Variants in EPHA7 observed in about 807,000 individuals in gnomAD.
The protein encoded by EPHA7 is EPH receptor A7, also known as ephrin type-A receptor 7.
A neutral mutation model predicts 112.6 loss-of-function variants in EPHA7; 25 were observed. The observed-to-expected ratio is 0.22, with a 90% confidence interval of 0.16 to 0.31. The LOEUF (loss-of-function observed/expected upper bound fraction) is 0.31. Ranked by LOEUF, EPHA7 falls within the 10% of genes least tolerant of loss-of-function variation. The pLI is 1.00. For missense variants in EPHA7, 962 were observed against 1,212.6 expected (o/e 0.79, Z 3.07); for synonymous variants, 437 against 406.5 (o/e 1.07, Z -0.90).
rs566391424 is a variant in EPHA7 at position 93,350,558 on chromosome 6, ATCAT to A, written c.1324+6155_1324+6158del. Among the ~76,000 whole-genome samples the A allele has an allele frequency of 5.7e-3, 861 of 152,152 alleles. 5 individuals are homozygous for A. Among genetic ancestry groups the A allele is most frequent in the Non-Finnish European group, 9.7e-3 (656 of 67,972 alleles). ...TATAATCTGAGTGAGTGTCATATAG[ATCAT>A]TCATCCATACACAACAAAATTGATG... On this transcript the variant is annotated intron_variant, in intron 5 of 16. Coordinates refer to ENST00000369303, the MANE Select transcript of EPHA7 (RefSeq NM_004440.4).
intron 5 of EPHA7, among the ~76,000 whole-genome samples, chr6:93,315,707 T>C (rs1466418328): frequency 2.0e-5 from 3 of 152,222 alleles, no homozygotes; most frequent in African/African-American, 4.8e-5. Flanking sequence ...ACAGATTCAC[T>C]CTCTGCTGAT....
intron 5 of EPHA7, among the ~76,000 whole-genome samples, chr6:93,353,433 A>G (rs764091745): frequency 7.2e-5 from 11 of 152,292 alleles, no homozygotes; most frequent in Non-Finnish European, 1.5e-4. Flanking sequence ...AAGATAATTG[A>G]TAACTAGATA....
chr6:93,335,950 A>G (rs1257487670), intron 5 of EPHA7, among the ~76,000 whole-genome samples: 2 of 152,128 alleles, frequency 1.3e-5, no homozygotes, highest in African/African-American at 2.4e-5. Flanking sequence ...TATGAGAGAC[A>G]TATAATGAAT....
chr6:93,389,941 A>G (rs1777818943), intron 3 of EPHA7, among the ~76,000 whole-genome samples: 1 of 151,998 alleles, frequency 6.6e-6, no homozygotes, highest in Non-Finnish European at 1.5e-5. Context: ...TCTTAATGAT[A>G]AAGCAGTTTG....
At chr6:93,252,390 G>A (rs1158206652) in intron 14 of EPHA7, among the ~76,000 whole-genome samples, 1 of 151,286 alleles carries the variant, frequency 6.6e-6, no homozygotes, top group Non-Finnish European at 1.5e-5. Context: ...CTAATTAAAA[G>A]ACAATGAATA....
chr6:93,406,261 G>GT (rs1436426863), intron 3 of EPHA7, among the ~76,000 whole-genome samples: 1 of 151,416 alleles, frequency 6.6e-6, no homozygotes, highest in Non-Finnish European at 1.5e-5. Flanking sequence ...TCTGATATAT[G>GT]TGCATGTAAA....
chr6:93,365,621 A>C (rs532592574), intron 3 of EPHA7, among the ~76,000 whole-genome samples: 6 of 152,146 alleles, frequency 3.9e-5, no homozygotes. Flanking sequence ...TCCTGTCACT[A>C]ATATTCTATG....
intron 5 of EPHA7, among the ~76,000 whole-genome samples, chr6:93,327,629 T>A (rs1774386953): frequency 6.6e-6 from 1 of 151,506 alleles, no homozygotes; most frequent in Non-Finnish European, 1.5e-5. Flanking sequence ...TTTAAAATAC[T>A]CAAGGCTTCC....
chr6:93,257,347 T>C, intron 12 of EPHA7, 115 bp downstream of exon 12: 1 of 680,006 alleles, frequency 1.5e-6, no homozygotes, highest in Non-Finnish European at 2.4e-6. Context: ...AAGACAATCT[T>C]CTAACCTCTT....
chr6:93,399,868 T>C (rs1778355122), intron 3 of EPHA7, among the ~76,000 whole-genome samples: 1 of 152,080 alleles, frequency 6.6e-6, no homozygotes, highest in Admixed American at 6.6e-5. Flanking sequence ...ACTTTAGTTG[T>C]CCCATTTATT....
chr6:93,247,689 A>C, intron 14 of EPHA7, among the ~76,000 whole-genome samples: 1 of 152,098 alleles, frequency 6.6e-6, no homozygotes, highest in Non-Finnish European at 1.5e-5. Flanking sequence ...TTTTATTATT[A>C]TTTTTTTATC....
At chr6:93,338,913 T>C (rs1385074675) in intron 5 of EPHA7, among the ~76,000 whole-genome samples, 1 of 149,940 alleles carries the variant, frequency 6.7e-6, no homozygotes, top group Non-Finnish European at 1.5e-5. Context: ...ATATTATATA[T>C]CTCTCCTTAT....
intron 5 of EPHA7, among the ~76,000 whole-genome samples, chr6:93,294,168 T>C (rs1305536848): frequency 6.6e-6 from 1 of 152,208 alleles, no homozygotes; most frequent in African/African-American, 2.4e-5. Context: ...CAAGAAGATG[T>C]CAACCTCAAG....
chr6:93,366,608 T>C (rs138335728), intron 3 of EPHA7, among the ~76,000 whole-genome samples: 3 of 152,212 alleles, frequency 2.0e-5, no homozygotes, highest in African/African-American at 7.2e-5. Flanking sequence ...AGCAACAGTG[T>C]TAAAAAACAG....
At chr6:93,354,275 C>T (rs1013894076) in intron 5 of EPHA7, among the ~76,000 whole-genome samples, 10 of 152,108 alleles carry the variant, frequency 6.6e-5, no homozygotes, top group Admixed American at 5.9e-4. Context: ...ACTGAGTATA[C>T]TCACACAAAA....
chr6:93,321,237 T>C (rs1009019668), intron 5 of EPHA7, among the ~76,000 whole-genome samples: 1 of 151,928 alleles, frequency 6.6e-6, no homozygotes, highest in African/African-American at 2.4e-5. Flanking sequence ...CTGAGTGTGG[T>C]TCTCAGTATT....
At chr6:93,311,310 T>G (rs1773529887) in intron 5 of EPHA7, among the ~76,000 whole-genome samples, 1 of 151,936 alleles carries the variant, frequency 6.6e-6, no homozygotes, top group Admixed American at 6.6e-5. Flanking sequence ...AAAATTAAAG[T>G]CAACCTTCTC....
At chr6:93,292,702 A>G (rs1772443409) in intron 5 of EPHA7, among the ~76,000 whole-genome samples, 1 of 152,240 alleles carries the variant, frequency 6.6e-6, no homozygotes, top group Admixed American at 6.5e-5. Context: ...AATAACCTAC[A>G]GAGAAGTAAC....
chr6:93,338,928 A>G (rs777881085), intron 5 of EPHA7, among the ~76,000 whole-genome samples: 2 of 149,778 alleles, frequency 1.3e-5, no homozygotes, highest in South Asian at 2.1e-4. Context: ...CCTTATAGCT[A>G]TATCTATATG....
Sources: gnomAD v4.1 joint callset for allele counts (sites outside exome capture counted in the v4.1 genomes callset) on GRCh38, gnomAD v4.1.1 for gene constraint, MANE v1.5 for transcripts, NCBI Gene and HGNC (gene_info 2026-07-23, HGNC 2026-07-21) for gene names.